Variants in ATP2B2 observed in about 807,000 individuals in gnomAD.
The protein encoded by ATP2B2 is plasma membrane calcium-transporting ATPase 2.
Under a neutral mutation model 120.0 loss-of-function variants are expected in ATP2B2, and 15 were observed. The observed-to-expected ratio is 0.12, with a 90% CI of 0.08 to 0.19. The LOEUF (loss-of-function observed/expected upper bound fraction) is 0.19. ATP2B2 is among the 10% of genes least tolerant of loss of function. The pLI is 1.00. For missense variants in ATP2B2, 1,045 were observed against 1,719.8 expected (o/e 0.61, Z 6.94); for synonymous variants, 694 against 700.3 (o/e 0.99, Z 0.14).
intron 1 of ATP2B2, among the ~76,000 whole-genome samples, chr3:10,632,469 T>A (rs938108376): frequency 6.6e-6 from 1 of 152,348 alleles, no homozygotes; most frequent in Non-Finnish European, 1.5e-5. Flanking sequence ...CTGTATGTGT[T>A]TGTTCTAAGG....
chr3:10,427,569 A>G (rs1274741606), intron 2 of ATP2B2, among the ~76,000 whole-genome samples: 1 of 152,130 alleles, frequency 6.6e-6, no homozygotes, highest in African/African-American at 2.4e-5. Flanking sequence ...TTTTCATTTA[A>G]TCTTTATTAA....
chr3:10,692,407 C>T (rs902702901), intron 1 of ATP2B2, among the ~76,000 whole-genome samples: 1 of 152,158 alleles, frequency 6.6e-6, no homozygotes, highest in African/African-American at 2.4e-5. Context: ...TTTTCTGCAG[C>T]AGGGTAATAA....
At chr3:10,462,530 G>A (rs912231163) in intron 1 of ATP2B2, among the ~76,000 whole-genome samples, 13 of 152,194 alleles carry the variant, frequency 8.5e-5, no homozygotes, top group Non-Finnish European at 1.5e-4. Flanking sequence ...CATGTCAGAG[G>A]CTGTGTGAGG....
At chr3:10,609,090 G>C (rs913335150) in intron 2 of ATP2B2, among the ~76,000 whole-genome samples, 22 of 152,334 alleles carry the variant, frequency 1.4e-4, no homozygotes, top group African/African-American at 4.8e-4. Context: ...ACTCTGAGCT[G>C]TTTCCTCCTC....
In ATP2B2 at chr3:10,385,334, G is replaced by C. The variant is rs372861791; in HGVS notation, c.941-7C>G. On this transcript the variant is annotated splice_polypyrimidine_tract_variant and splice_region_variant and intron_variant, in intron 7 of 22. Coordinates refer to ENST00000360273, the MANE Select transcript of ATP2B2 (RefSeq NM_001001331.4). ...GCTGCCGCACCGTCTGCTGCTGCAG[G>C]GGGGTGGGAGGGATGGAAAATGCAG... is the stretch of plus-strand genomic sequence containing the variant. 39 of 1,613,364 alleles carry C rather than the reference G, an allele frequency of 2.4e-5. No homozygotes were observed. The highest frequency in any genetic ancestry group is 3.3e-4 in the Middle Eastern group (2 of 6,062).
intron 2 of ATP2B2, among the ~76,000 whole-genome samples, chr3:10,537,140 T>C (rs1296960176): frequency 5.3e-5 from 8 of 152,248 alleles, no homozygotes; most frequent in Admixed American, 3.3e-4. Flanking sequence ...ATGATTTCTA[T>C]ATAATAAATC....
Position 10,328,914 on chromosome 3 carries a change from CTGT to C in ATP2B2, c.3629_3631del (p.Asn1210del). On this transcript the variant is annotated inframe_deletion, in exon 23 of 23. Coordinates refer to ENST00000360273, the MANE Select transcript of ATP2B2 (RefSeq NM_001001331.4). ...CAGGTTGATCCCACTGTCGATGGCG[CTGT>C]TGTTCTTGTTGAGGGATGACGGCGG... The C allele has an allele frequency of 6.2e-7, 1 of 1,613,850 alleles. No individual in the cohort carries two copies. The highest frequency in any genetic ancestry group is 8.5e-7 in the Non-Finnish European group (1 of 1,179,978).
In ATP2B2 at chr3:10,343,684, C is replaced by T. The variant is rs536030175; in HGVS notation, c.2704-719G>A. On this transcript the variant is annotated intron_variant, in intron 18 of 22. Transcript: ENST00000360273. This position sits in a 1 kb window ranked among gnomAD's most constrained non-coding sequence, Gnocchi z 4.2. ...CTTGTCCACAGCAGCCAGACTTTGG[C>T]CCCTCCACGTTCCCAGAATGCCCTC... 6.6e-6 allele frequency among the ~76,000 whole-genome samples: 1 copy of T among 151,998 alleles called. No individual in the cohort carries two copies. The highest frequency in any genetic ancestry group is 2.4e-5 in the African/African-American group (1 of 41,358).
At chr3:10,533,313 A>G (rs1215703281) in intron 3 of ATP2B2, among the ~76,000 whole-genome samples, 1 of 152,174 alleles carries the variant, frequency 6.6e-6, no homozygotes, top group Non-Finnish European at 1.5e-5. Flanking sequence ...ACTAACATGC[A>G]TCATGCACCT....
chr3:10,338,157 C>T lies in ATP2B2; in HGVS notation c.3420+19G>A. 1 of 1,613,686 alleles carries T rather than the reference C, an allele frequency of 6.2e-7. No homozygotes were observed. The highest frequency in any genetic ancestry group is 8.5e-7 in the Non-Finnish European group (1 of 1,179,998). On this transcript the variant is annotated intron_variant, in intron 22 of 22. Coordinates refer to ENST00000360273, the MANE Select transcript of ATP2B2 (RefSeq NM_001001331.4). ...CGCCCCGGCCAGGCCTGGGCCCAGC[C>T]CCCAAGAGCCTCCTGTACCTGTGTC...
rs1461329861 is a variant in ATP2B2, at chr3:10,329,636, CAGAAAGG to C, written c.3421-518_3421-512del. Among the ~76,000 whole-genome samples the C allele has an allele frequency of 6.6e-6, 1 of 152,076 alleles. No individual in the cohort carries two copies. Among genetic ancestry groups the C allele is most frequent in the African/African-American group, 2.4e-5 (1 of 41,392 alleles). On this transcript the variant is annotated intron_variant, in intron 22 of 22. Coordinates refer to ENST00000360273, the MANE Select transcript of ATP2B2 (RefSeq NM_001001331.4). The surrounding 1 kb of genome is among the most constrained non-coding windows in gnomAD (Gnocchi z 5.9). ...TTACGTGTCACAAACAGAAAAGGCA[CAGAAAGG>C]AGAGACGGTTGGATGAGTTGGGATG...
At chr3:10,498,261 T>C (rs935591668) in intron 1 of ATP2B2, among the ~76,000 whole-genome samples, 1 of 152,170 alleles carries the variant, frequency 6.6e-6, no homozygotes, top group South Asian at 2.1e-4. Context: ...CGGCCAGGCA[T>C]TGGATGTGAC....
intron 2 of ATP2B2, among the ~76,000 whole-genome samples, chr3:10,580,559 C>T (rs777839206): frequency 6.6e-6 from 1 of 152,160 alleles, no homozygotes; most frequent in Non-Finnish European, 1.5e-5. Flanking sequence ...ATGCTCAGTG[C>T]GGCTCCTCCC....
intron 5 of ATP2B2, among the ~76,000 whole-genome samples, chr3:10,397,588 A>T (rs1349022504): frequency 2.0e-5 from 3 of 152,090 alleles, no homozygotes; most frequent in Non-Finnish European, 1.5e-5. Flanking sequence ...GCAGATGGAA[A>T]AAAGTTAAGT....
intron 3 of ATP2B2, among the ~76,000 whole-genome samples, chr3:10,409,325 G>A (rs1374909666): frequency 6.6e-6 from 1 of 151,970 alleles, no homozygotes; most frequent in African/African-American, 2.4e-5. Flanking sequence ...GATAATTTGA[G>A]CTATGCAAAT....
At chr3:10,391,808 A>G (rs1357266594) in intron 5 of ATP2B2, among the ~76,000 whole-genome samples, 1 of 152,154 alleles carries the variant, frequency 6.6e-6, no homozygotes, top group Non-Finnish European at 1.5e-5. Flanking sequence ...GGGCTCCCTG[A>G]GGTCCAAACC....
intron 2 of ATP2B2, among the ~76,000 whole-genome samples, chr3:10,541,509 C>T (rs564328517): frequency 6.6e-6 from 1 of 152,270 alleles, no homozygotes; most frequent in East Asian, 1.9e-4. Context: ...TACATTTAGA[C>T]TTTCTCTTTG....
At chr3:10,495,605 C>G (rs1286539980) in intron 1 of ATP2B2, among the ~76,000 whole-genome samples, 1 of 152,234 alleles carries the variant, frequency 6.6e-6, no homozygotes, top group East Asian at 1.9e-4. Flanking sequence ...GATGTCTCCA[C>G]TCAGCTCAGA....
chr3:10,524,563 G>A (rs2067051680), intron 3 of ATP2B2, among the ~76,000 whole-genome samples: 1 of 152,140 alleles, frequency 6.6e-6, no homozygotes, highest in Admixed American at 6.5e-5. Context: ...TGGGAGAATG[G>A]CCAGTCTTAT....
Sources: allele counts gnomAD v4.1 joint callset (sites outside exome capture counted in the v4.1 genomes callset), GRCh38; gene constraint gnomAD v4.1.1; non-coding constraint Gnocchi (gnomAD v3.1); transcripts MANE v1.5; gene names NCBI Gene and HGNC (gene_info 2026-07-23, HGNC 2026-07-21).